Variants in UNC5D observed in about 807,000 individuals in gnomAD.
The protein encoded by UNC5D is netrin receptor UNC5D.
A neutral mutation model predicts 105.4 loss-of-function variants in UNC5D; 39 were observed. That is an observed-to-expected ratio of 0.37 (90% confidence interval 0.29 to 0.48). The LOEUF is 0.48. Ranked by LOEUF, UNC5D falls within the 20% of genes least tolerant of loss-of-function variation. The pLI is 0.98. For missense variants in UNC5D, 991 were observed against 1,202.4 expected (o/e 0.82, Z 2.60); for synonymous variants, 452 against 450.4 (o/e 1.00, Z -0.04).
chr8:35,400,225 CT>C (rs200437199), intron 1 of UNC5D, among the ~76,000 whole-genome samples: 31 of 147,902 alleles, frequency 2.1e-4, no homozygotes, highest in Admixed American at 3.4e-4. Context: ...AGTTGAGATC[CT>C]TTTTTTTTTA....
chr8:35,767,028 C>T lies in UNC5D; in HGVS notation c.2440C>T (p.His814Tyr). The T allele has an allele frequency of 6.2e-7, 1 of 1,613,910 alleles. No homozygotes were observed. Among genetic ancestry groups the T allele is most frequent in the Non-Finnish European group, 8.5e-7 (1 of 1,179,898 alleles). Residue 814 changes from histidine to tyrosine, a missense_variant, in exon 15 of 17, where the codon CAT (histidine) becomes TAT (tyrosine). This residue lies in a region of UNC5D where 944 missense variants were observed against 1,131.6 expected (regional missense o/e 0.83). Coordinates refer to ENST00000404895, the MANE Select transcript of UNC5D (RefSeq NM_080872.4). ...AATCTGCATTCGGCAGCTCAAAGGCCATGAACAGATCCTCCAAGTGCAGAC... is the reference window on the plus strand; with the variant it reads ...AATCTGCATTCGGCAGCTCAAAGGCTATGAACAGATCCTCCAAGTGCAGAC... Reference protein sequence around the residue: ...CKICIRQLKGHEQILQVQTSI... With the variant: ...CKICIRQLKGYEQILQVQTSI...
At chr8:35,783,262 T>C (rs1436460158) in intron 16 of UNC5D, among the ~76,000 whole-genome samples, 2 of 152,202 alleles carry the variant, frequency 1.3e-5, no homozygotes, top group Middle Eastern at 3.2e-3. Context: ...TTGAAAGTGT[T>C]GGGCAAAAGC....
At chr8:35,248,063 A>G (rs1474698520) in intron 1 of UNC5D, among the ~76,000 whole-genome samples, 1 of 68,732 alleles carries the variant, frequency 1.5e-5, no homozygotes, top group Non-Finnish European at 2.4e-5. Context: ...ATATATAAAT[A>G]TATATTATAT....
chr8:35,575,989 A>T (rs906756290), intron 3 of UNC5D, among the ~76,000 whole-genome samples: 3 of 152,134 alleles, frequency 2.0e-5, no homozygotes, highest in Non-Finnish European at 4.4e-5. Context: ...AAGGAAGAGG[A>T]GGCTAGTTTT....
At chr8:35,788,640 A>G (rs868767937) in intron 16 of UNC5D, among the ~76,000 whole-genome samples, 2 of 152,094 alleles carry the variant, frequency 1.3e-5, no homozygotes, top group South Asian at 4.1e-4. Context: ...AAATCAGTAG[A>G]TATGATCCTT....
At chr8:35,584,163 A>G (rs902074736) in intron 3 of UNC5D, among the ~76,000 whole-genome samples, 1 of 152,302 alleles carries the variant, frequency 6.6e-6, no homozygotes, top group South Asian at 2.1e-4. Context: ...GAGAATCAGC[A>G]GTTGGTAGTG....
intron 1 of UNC5D, among the ~76,000 whole-genome samples, chr8:35,402,406 C>T (rs1585759113): frequency 1.3e-5 from 2 of 151,854 alleles, no homozygotes; most frequent in Admixed American, 6.6e-5. Flanking sequence ...CATCTTATCT[C>T]GTAAGACTTA....
chr8:35,342,644 A>G (rs1327267638), intron 1 of UNC5D, among the ~76,000 whole-genome samples: 1 of 152,118 alleles, frequency 6.6e-6, no homozygotes, highest in Non-Finnish European at 1.5e-5. Context: ...GAACCACACC[A>G]GCCTAAAGGA....
intron 1 of UNC5D, among the ~76,000 whole-genome samples, chr8:35,401,854 C>G (rs1274593690): frequency 6.6e-6 from 1 of 152,192 alleles, no homozygotes; most frequent in East Asian, 1.9e-4. Flanking sequence ...AAGAAACTGG[C>G]AAAGTCGGCA....
chr8:35,653,803 A>G (rs1195829891), intron 4 of UNC5D, among the ~76,000 whole-genome samples: 3 of 152,204 alleles, frequency 2.0e-5, no homozygotes, highest in Non-Finnish European at 4.4e-5. Flanking sequence ...TTAATGTGTT[A>G]TACCTTCATA....
intron 1 of UNC5D, among the ~76,000 whole-genome samples, chr8:35,287,530 C>T (rs959378615): frequency 6.3e-5 from 9 of 143,288 alleles, no homozygotes; most frequent in African/African-American, 2.1e-4. Context: ...TATGGTGGCA[C>T]GTGCCTGAAA....
intron 7 of UNC5D, among the ~76,000 whole-genome samples, chr8:35,690,398 G>A (rs1296783694): frequency 6.6e-6 from 1 of 152,146 alleles, no homozygotes; most frequent in Non-Finnish European, 1.5e-5. Flanking sequence ...GGAGGCCAGG[G>A]CAGGAGAATC....
chr8:35,739,598 G>A (rs1829656988), intron 11 of UNC5D, among the ~76,000 whole-genome samples: 1 of 152,202 alleles, frequency 6.6e-6, no homozygotes, highest in African/African-American at 2.4e-5. Flanking sequence ...GTTTGTGAAT[G>A]TTATTAATAG....
chr8:35,686,058 C>T (rs763937596), intron 6 of UNC5D, among the ~76,000 whole-genome samples: 1 of 151,964 alleles, frequency 6.6e-6, no homozygotes, highest in African/African-American at 2.4e-5. Context: ...GTTTGACTGA[C>T]CTGTTTTAGT....
At chr8:35,525,533 A>G (rs1262579287) in intron 1 of UNC5D, 4 of 1,612,116 alleles carry the variant, frequency 2.5e-6, no homozygotes, top group Non-Finnish European at 2.5e-6. Flanking sequence ...AAGCTAGGGG[A>G]GGAGGGGTTT....
chr8:35,277,790 G>T (rs1350487580), intron 1 of UNC5D, among the ~76,000 whole-genome samples: 1 of 152,198 alleles, frequency 6.6e-6, no homozygotes, highest in African/African-American at 2.4e-5. Flanking sequence ...TTCTTGGGAA[G>T]ATGGTCACTT....
At chr8:35,751,283 C>T (rs2131643628) in intron 13 of UNC5D, among the ~76,000 whole-genome samples, 1 of 152,256 alleles carries the variant, frequency 6.6e-6, no homozygotes, top group South Asian at 2.1e-4. Flanking sequence ...CAAAATATCT[C>T]AAGCACTGAT....
intron 3 of UNC5D, among the ~76,000 whole-genome samples, chr8:35,590,029 T>G (rs1819061982): frequency 6.6e-6 from 1 of 152,016 alleles, no homozygotes; most frequent in South Asian, 2.1e-4. Context: ...GGACATATAT[T>G]GATGGTTCCA....
At chr8:35,316,924 C>A (rs1222570016) in intron 1 of UNC5D, among the ~76,000 whole-genome samples, 1 of 152,014 alleles carries the variant, frequency 6.6e-6, no homozygotes, top group Non-Finnish European at 1.5e-5. Context: ...CAGTAGCAAG[C>A]CAATATATGA....
Sources: allele counts gnomAD v4.1 joint callset (sites outside exome capture counted in the v4.1 genomes callset), GRCh38; gene constraint gnomAD v4.1.1; regional missense constraint gnomAD v4.1.1; transcripts MANE v1.5; gene names NCBI Gene and HGNC (gene_info 2026-07-23, HGNC 2026-07-21).